DYNC2H1: variants seen among roughly 807,000 people sequenced by gnomAD.
DYNC2H1 encodes the protein cytoplasmic dynein 2 heavy chain 1.
In DYNC2H1, 410 loss-of-function variants were observed where a neutral mutation model predicts 570.0. That is an observed-to-expected ratio of 0.72 (90% CI 0.66 to 0.78). The LOEUF (loss-of-function observed/expected upper bound fraction) is 0.78, where lower values mean the gene tolerates loss of function less well. DYNC2H1 is among the 30% of genes least tolerant of loss of function. The pLI, the probability that DYNC2H1 is intolerant of heterozygous loss-of-function variation, is 0.00. For synonymous variants in DYNC2H1, 1,688 were observed against 1,677.6 expected, an observed-to-expected ratio of 1.01 and a Z score of -0.15; for missense variants, 4,865 against 5,046.4, an observed-to-expected ratio of 0.96 and a Z score of 1.09.
rs1489656134 is a variant in DYNC2H1 at position 103,299,981 on chromosome 11, T to TTTATTGA, written c.11096-3110_11096-3104dup. ...GGTAGTGGCTGTTGATTTTCCTCTTTTTATTGATGTTTGTGGTACATTTTT... is the reference window on the plus strand; with the variant it reads ...GGTAGTGGCTGTTGATTTTCCTCTTTTTATTGATTATTGATGTTTGTGGTACATTTTT... On this transcript the variant is annotated intron_variant, in intron 75 of 88. Transcript: ENST00000375735. The surrounding 1 kb of genome is among the most constrained non-coding windows in gnomAD (Gnocchi z 4.5). 1.3e-5 allele frequency among the ~76,000 whole-genome samples: 2 copies of TTTATTGA among 152,076 alleles called. No homozygotes were observed. The highest frequency in any genetic ancestry group is 4.8e-5 in the African/African-American group (2 of 41,446).
intron 54 of DYNC2H1, among the ~76,000 whole-genome samples, chr11:103,213,254 C>T (rs1294539371): frequency 2.0e-5 from 3 of 152,048 alleles, no homozygotes; most frequent in African/African-American, 7.2e-5. Flanking sequence ...ACAGACAAAA[C>T]CAAGTCATGT....
At chr11:103,224,608 C>T (rs667485) in intron 59 of DYNC2H1, among the ~76,000 whole-genome samples, 115,102 of 152,124 alleles carry the variant, frequency 0.76, 44,073 homozygotes, top group Admixed American at 0.83. Context: ...AGCAGTATTC[C>T]GTGGGGTATA....
At chr11:103,391,886 G>T (rs1270516440) in intron 83 of DYNC2H1, among the ~76,000 whole-genome samples, 1 of 148,376 alleles carries the variant, frequency 6.7e-6, no homozygotes, top group Non-Finnish European at 1.5e-5. Flanking sequence ...ACCCAGCCGT[G>T]TGAGGTGTCA....
chr11:103,246,311 T>A (rs1591468371), intron 65 of DYNC2H1, among the ~76,000 whole-genome samples: 2 of 151,982 alleles, frequency 1.3e-5, no homozygotes, highest in South Asian at 4.1e-4. Flanking sequence ...TGCTATGATA[T>A]CTTAAGGAGG....
rs1565368793 is a variant in DYNC2H1 at position 103,176,355 on chromosome 11, AAG to A, written c.5797_5798del (p.Glu1933SerfsTer4). On this transcript the variant is annotated frameshift_variant, in exon 37 of 89. Coordinates refer to ENST00000375735, the MANE Select transcript of DYNC2H1 (RefSeq NM_001377.3). LOFTEE classifies it high-confidence loss of function. ...GATGTCTTTCCGGGAATTGAATTGAAAGAAGTGGAATATGATGAACTAAGTGC... is the reference window on the plus strand; with the variant it reads ...GATGTCTTTCCGGGAATTGAATTGAAAAGTGGAATATGATGAACTAAGTGC... 5.0e-6 allele frequency: 8 copies of A among 1,592,078 alleles called. No homozygotes were observed. The highest frequency in any genetic ancestry group is 6.0e-6 in the Non-Finnish European group (7 of 1,169,238).
At chr11:103,217,957 GA>G (rs1053700814) in intron 55 of DYNC2H1, among the ~76,000 whole-genome samples, 1 of 152,144 alleles carries the variant, frequency 6.6e-6, no homozygotes, top group Non-Finnish European at 1.5e-5. Flanking sequence ...GTAAACACAT[GA>G]AAATATGCTT....
intron 36 of DYNC2H1, among the ~76,000 whole-genome samples, chr11:103,175,056 G>T (rs1861746516): frequency 6.6e-6 from 1 of 151,992 alleles, no homozygotes; most frequent in Non-Finnish European, 1.5e-5. Flanking sequence ...GCTCAATACA[G>T]ACTCATATAT....
At chr11:103,349,358 T>C (rs1053390680) in intron 82 of DYNC2H1, among the ~76,000 whole-genome samples, 58 of 152,278 alleles carry the variant, frequency 3.8e-4, no homozygotes, top group African/African-American at 1.3e-3. Context: ...TGTATATACA[T>C]GATATAGTGC....
Position 103,158,815 on chromosome 11 carries a change from T to A in DYNC2H1, c.4260+6T>A. ...CATTAAATGAATTTTTGGAGGCATG[T>A]TTTTTAAGAAAAAAATATATAATAA... On this transcript the variant is annotated splice_donor_region_variant and intron_variant, in intron 27 of 88. Coordinates refer to ENST00000375735, the MANE Select transcript of DYNC2H1 (RefSeq NM_001377.3). 6.8e-7 allele frequency: 1 copy of A among 1,461,398 alleles called. No homozygotes were observed. Among genetic ancestry groups the A allele is most frequent in the African/African-American group, 1.4e-5 (1 of 69,820 alleles). 90.5% of individuals were successfully genotyped at this position (1,461,398 alleles called of 1,614,324 possible).
intron 74 of DYNC2H1, 133 bp downstream of exon 74, chr11:103,286,519 C>A: frequency 4.9e-6 from 5 of 1,011,350 alleles, no homozygotes; most frequent in Non-Finnish European, 7.0e-6. Context: ...AGGGCTTGAT[C>A]CTTTTGCCAC....
chr11:103,403,336 T>G (rs1455548767), intron 84 of DYNC2H1: 4 of 152,066 alleles, frequency 2.6e-5, no homozygotes, highest in African/African-American at 4.8e-5. Context: ...AAATGAAATT[T>G]GGTAGTTTTA....
chr11:103,161,515 G>T (rs558504111), intron 29 of DYNC2H1, among the ~76,000 whole-genome samples: 26 of 152,186 alleles, frequency 1.7e-4, no homozygotes, highest in African/African-American at 6.3e-4. Flanking sequence ...TCCAATAAGT[G>T]TTTCCTTTGA....
chr11:103,445,300 T>A (rs778185562), intron 85 of DYNC2H1, among the ~76,000 whole-genome samples: 2 of 152,254 alleles, frequency 1.3e-5, no homozygotes, highest in Non-Finnish European at 2.9e-5. Context: ...ACTATCTTTG[T>A]ATAGACCTAT....
Position 103,170,996 on chromosome 11 carries a change from T to C in DYNC2H1, c.5262T>C (p.Val1754=). 1.2e-6 allele frequency: 2 copies of C among 1,612,380 alleles called. No individual in the cohort carries two copies. The highest frequency in any genetic ancestry group is 2.2e-5 in the South Asian group (2 of 90,884). Residue 1754 remains valine, a synonymous_variant, in exon 34 of 89, where the codon GTT becomes GTC. Coordinates refer to ENST00000375735, the MANE Select transcript of DYNC2H1 (RefSeq NM_001377.3). The surrounding 1 kb of genome is among the most constrained non-coding windows in gnomAD (Gnocchi z 4.8). ...NRLEESVLSA[V]SMQIQTIQDA... is the part of the protein sequence containing the mutation. ...TGGAAGAATCTGTACTGTCAGCAGT[T>C]TCTATGCAAATCCAGACAATTCAAG...
chr11:103,230,541 T>C (rs1863965981), intron 59 of DYNC2H1, among the ~76,000 whole-genome samples: 1 of 152,198 alleles, frequency 6.6e-6, no homozygotes, highest in African/African-American at 2.4e-5. Context: ...CAGCTCTCAA[T>C]AGAGGATGGA....
Position 103,115,212 on chromosome 11 carries a change from A to G in DYNC2H1, c.538A>G (p.Ile180Val). ...ACCAAGCGATGAGTTCCAGTTTTGGATAGAACAAGCTCACCGTGGAAATAA... is the reference window on the plus strand; with the variant it reads ...ACCAAGCGATGAGTTCCAGTTTTGGGTAGAACAAGCTCACCGTGGAAATAA... The part of the protein sequence containing the change: ...LTPSDEFQFW[I>V]EQAHRGNKQI... Residue 180 changes from isoleucine to valine, a missense_variant, in exon 4 of 89, where the codon ATA becomes GTA. Coordinates refer to ENST00000375735, the MANE Select transcript of DYNC2H1 (RefSeq NM_001377.3). The G allele has an allele frequency of 6.2e-7, 1 of 1,611,012 alleles. No individual in the cohort carries two copies. Among genetic ancestry groups the G allele is most frequent in the Non-Finnish European group, 8.5e-7 (1 of 1,178,596 alleles).
At chr11:103,469,865 T>C (rs962174865) in intron 88 of DYNC2H1, among the ~76,000 whole-genome samples, 1 of 152,206 alleles carries the variant, frequency 6.6e-6, no homozygotes, top group Non-Finnish European at 1.5e-5. Context: ...TTGAAACTTA[T>C]ATACAAAAGT....
At chr11:103,431,472 C>G (rs764922074) in intron 84 of DYNC2H1, among the ~76,000 whole-genome samples, 1 of 152,016 alleles carries the variant, frequency 6.6e-6, no homozygotes, top group Non-Finnish European at 1.5e-5. Flanking sequence ...TTTGAACATG[C>G]TATTCTCTTT....
rs762534725 is a variant in DYNC2H1 at position 103,109,764 on chromosome 11, A to G, written c.190A>G (p.Asn64Asp). 6 of 1,612,912 alleles carry G rather than the reference A, an allele frequency of 3.7e-6. No individual in the cohort carries two copies. Among genetic ancestry groups the G allele is most frequent in the East Asian group, 2.2e-5 (1 of 44,856 alleles). Residue 64 changes from asparagine to aspartate, a missense_variant, in exon 1 of 89, where the codon AAC becomes GAC. Physicochemically the swap from Asn to Asp is conservative, Grantham distance 23 (BLOSUM62 1). Coordinates refer to ENST00000375735, the MANE Select transcript of DYNC2H1 (RefSeq NM_001377.3). ...ATCCGACGCAGGAATCTCCTTTTCC[A>G]ACACGGTACGGTTCCTTGCACTCCT... is the stretch of plus-strand genomic sequence containing the variant. ...QRSDAGISFS[N>D]TIEFGDTKDK...
Sources: allele counts gnomAD v4.1 joint callset (sites outside exome capture counted in the v4.1 genomes callset), GRCh38; gene constraint gnomAD v4.1.1; non-coding constraint Gnocchi (gnomAD v3.1); transcripts MANE v1.5; gene names NCBI Gene and HGNC (gene_info 2026-07-23, HGNC 2026-07-21).